LRRC41: variants seen among roughly 807,000 people sequenced by gnomAD.
The protein encoded by LRRC41 is leucine rich repeat containing 41, also known as leucine-rich repeat-containing protein 41.
LRRC41 carries 17 observed loss-of-function variants against 72.1 expected under a neutral mutation model. The ratio of observed to expected loss-of-function variants is 0.24; its 90% CI spans 0.16 to 0.35. The LOEUF is 0.35. LRRC41 is among the 10% of genes least tolerant of loss of function. LRRC41 has a pLI of 1.00. For missense variants in LRRC41, 759 were observed against 1,065.0 expected, an observed-to-expected ratio of 0.71 and a Z score of 4.00; for synonymous variants, 427 against 431.0, an observed-to-expected ratio of 0.99 and a Z score of 0.11.
In LRRC41 at chr1:46,285,714, T is replaced by G; in HGVS notation, c.1143A>C (p.Ser381=). 1 of 1,610,764 alleles carries G rather than the reference T, an allele frequency of 6.2e-7. No individual in the cohort carries two copies. The highest frequency in any genetic ancestry group is 8.5e-7 in the Non-Finnish European group (1 of 1,178,370). ...TSSYKRAPAS[S]APQPKPLKRF... is the part of the protein sequence containing the mutation. ...GCTTTAGGGGCTTAGGCTGTGGGGC[T>G]GAGCTAGCTGGTGCCCGTTTGTATG... is the stretch of plus-strand genomic sequence containing the variant. The change falls in exon 4 of 10, where the codon TCA becomes TCC. Residue 381 remains serine (S), a synonymous_variant. Transcript: ENST00000617190. The surrounding 1 kb of genome is among the most constrained non-coding windows in gnomAD (Gnocchi z 5.3).
Position 46,298,321 on chromosome 1 carries a change from A to G in LRRC41, c.249T>C (p.Tyr83=). The part of the protein sequence containing the change: ...LQSILPLLNI[Y]YLERIEETAL... ...CAGTTTCCTCAATCCTCTCCAAGTA[A>G]TATATATTGAGCAGAGGTAGGATGC... Residue 83 remains tyrosine (Y), a synonymous_variant, in exon 2 of 10, where the codon TAT becomes TAC. Transcript: ENST00000617190. 1 of 1,612,774 alleles carries G rather than the reference A, an allele frequency of 6.2e-7. No homozygotes were observed. Among genetic ancestry groups the G allele is most frequent in the Non-Finnish European group, 8.5e-7 (1 of 1,179,314 alleles).
chr1:46,296,971 A>G (rs1569663323), intron 3 of LRRC41: 1 of 152,180 alleles, frequency 6.6e-6, no homozygotes, highest in African/African-American at 2.4e-5. Context: ...AGTTGTCCCA[A>G]TGTGACTCAC....
In LRRC41 at chr1:46,286,240, G is replaced by A; in HGVS notation, c.617C>T (p.Ser206Phe). 6.2e-7 allele frequency: 1 copy of A among 1,614,280 alleles called. No homozygotes were observed. The highest frequency in any genetic ancestry group is 8.5e-7 in the Non-Finnish European group (1 of 1,180,056). The change falls in exon 4 of 10, where the codon TCT becomes TTT. Residue 206 changes from serine (S) to phenylalanine (F), a missense_variant. Physicochemically the swap from Ser to Phe is radical, Grantham distance 155 (BLOSUM62 -2). Around this residue, in one of 4 missense-constraint regions of LRRC41, gnomAD observed 116 missense variants for 250.9 expected, o/e 0.46. Transcript: ENST00000617190. This position sits in a 1 kb window ranked among gnomAD's most constrained non-coding sequence, Gnocchi z 5.5. Reference sequence around the variant, plus strand: ...AAGTGACTGCTGAGCAGCCACATCAGAGAACAGCAGGTGGCGGAACTTGAG... The same window carrying A: ...AAGTGACTGCTGAGCAGCCACATCAAAGAACAGCAGGTGGCGGAACTTGAG... ...HTLKFRHLLF[S>F]DVAAQQSLRQ...
chr1:46,285,626 C>T lies in LRRC41; in HGVS notation c.1231G>A (p.Glu411Lys), dbSNP rs1255941732. Residue 411 changes from glutamate (E) to lysine (K), a missense_variant, in exon 4 of 10, where the codon GAA becomes AAA. Transcript: ENST00000617190. This position sits in a 1 kb window ranked among gnomAD's most constrained non-coding sequence, Gnocchi z 5.3. ...ATAAAAACGAAGTCATACAGGTCTT[C>T]AGACTCTGCACCAGGCCCCTGACGG... ...RTRQGPGAES[E>K]DLYDFVFIVA... is the part of the protein sequence containing the mutation. 1 of 1,614,184 alleles carries T rather than the reference C, an allele frequency of 6.2e-7. No homozygotes were observed. The highest frequency in any genetic ancestry group is 1.7e-5 in the Admixed American group (1 of 59,996).
intron 4 of LRRC41, among the ~76,000 whole-genome samples, chr1:46,283,298 G>A (rs1186555302): frequency 6.6e-6 from 1 of 152,148 alleles, no homozygotes; most frequent in African/African-American, 2.4e-5. Flanking sequence ...AGGATGTGGA[G>A]ATAGAGAAAT....
chr1:46,294,537 TATAGATGTCAGTCACTGTACCCGA>T (rs1423752980), intron 3 of LRRC41, among the ~76,000 whole-genome samples: 76 of 152,062 alleles, frequency 5.0e-4, no homozygotes, highest in Admixed American at 1.3e-3. Context: ...TAGCTGGGAT[TATAGATGTCAGTCACTGTACCCGA>T]CTCTTGTGCC....
At chr1:46,287,678 A>G (rs1266725721) in intron 3 of LRRC41, among the ~76,000 whole-genome samples, 1 of 152,156 alleles carries the variant, frequency 6.6e-6, no homozygotes, top group Non-Finnish European at 1.5e-5. Context: ...TCTACCAGAA[A>G]TGTCTCCATT....
At chr1:46,287,199 C>G (rs1159124638) in intron 3 of LRRC41, among the ~76,000 whole-genome samples, 3 of 152,038 alleles carry the variant, frequency 2.0e-5, no homozygotes, top group Non-Finnish European at 2.9e-5. Context: ...AGCTCTGCCG[C>G]CCGGGTTCAC....
chr1:46,296,814 C>A (rs1557718715), intron 3 of LRRC41: 2 of 152,200 alleles, frequency 1.3e-5, no homozygotes, highest in Admixed American at 1.3e-4. Flanking sequence ...TTAAGCTTTA[C>A]GTAAACTTCA....
In LRRC41 at chr1:46,285,655, C is replaced by G. The variant is rs185591715; in HGVS notation, c.1202G>C (p.Arg401Pro). ...CTCTGCACCAGGCCCCTGACGGGTG[C>G]GAGCACCCTTCTTCCCTGCAGCTCG... ...FKRAAGKKGA[R>P]TRQGPGAESE... The change falls in exon 4 of 10, where the codon CGC (arginine) becomes CCC (proline). Residue 401 changes from arginine to proline, a missense_variant. Around this residue, in one of 4 missense-constraint regions of LRRC41, gnomAD observed 427 missense variants for 520.9 expected, o/e 0.82. Transcript: ENST00000617190. This position sits in a 1 kb window ranked among gnomAD's most constrained non-coding sequence, Gnocchi z 5.3. The G allele has an allele frequency of 6.2e-7, 1 of 1,614,128 alleles. No individual in the cohort carries two copies. Among genetic ancestry groups the G allele is most frequent in the Non-Finnish European group, 8.5e-7 (1 of 1,180,000 alleles).
intron 1 of LRRC41, chr1:46,299,648 G>C (rs537296221): frequency 6.6e-6 from 1 of 152,080 alleles, no homozygotes; most frequent in African/African-American, 2.4e-5. Flanking sequence ...AGGCCAAGGC[G>C]GGCAGATCAC....
chr1:46,279,217 C>A lies in LRRC41; in HGVS notation c.2184G>T (p.Glu728Asp), dbSNP rs755725341. ...GLLALADVFS[E>D]DSSSSLCQLD... ...GCTGACAGAGAGAGGAGGATGAATC[C>A]TCTGAGAAAACATCTGCCAAGGCCA... is the stretch of plus-strand genomic sequence containing the variant. The change falls in exon 9 of 10, where the codon GAG (glutamate) becomes GAT (aspartate). Residue 728 changes from glutamate to aspartate, a missense_variant. Physicochemically the swap from Glu to Asp is conservative, Grantham distance 45 (BLOSUM62 2). This residue lies in a region of LRRC41 where 110 missense variants were observed against 227.0 expected (regional missense o/e 0.48). Transcript: ENST00000617190. This position sits in a 1 kb window ranked among gnomAD's most constrained non-coding sequence, Gnocchi z 4.5. 9 of 1,614,038 alleles carry A rather than the reference C, an allele frequency of 5.6e-6. 1 individual carries two copies. In the East Asian group the frequency reaches 2.0e-4, roughly 36 times the overall value.
At chr1:46,289,293 C>G (rs1660952345) in intron 3 of LRRC41, among the ~76,000 whole-genome samples, 1 of 152,234 alleles carries the variant, frequency 6.6e-6, no homozygotes, top group Non-Finnish European at 1.5e-5. Context: ...CAAGTCATTT[C>G]ACCTCTTTCT....
In LRRC41 at chr1:46,281,316, A is replaced by G; in HGVS notation, c.1565T>C (p.Leu522Pro). The G allele has an allele frequency of 6.2e-7, 1 of 1,614,220 alleles. No homozygotes were observed. Among genetic ancestry groups the G allele is most frequent in the Non-Finnish European group, 8.5e-7 (1 of 1,180,042 alleles). ...RALSGQAGCR[L>P]RALHLSDLFS... ...CAGGTCACTGAGATGCAGGGCACGGAGGCGACATCCAGCCTGGCCTGACAG... is the reference window on the plus strand; with the variant it reads ...CAGGTCACTGAGATGCAGGGCACGGGGGCGACATCCAGCCTGGCCTGACAG... Residue 522 changes from leucine (L) to proline (P), a missense_variant, in exon 5 of 10, where the codon CTC (leucine) becomes CCC (proline). Leu to Pro is a moderately conservative substitution (Grantham distance 98). Around this residue, in one of 4 missense-constraint regions of LRRC41, gnomAD observed 427 missense variants for 520.9 expected, o/e 0.82. Transcript: ENST00000617190.
Position 46,281,356 on chromosome 1 carries a change from C to G in LRRC41, c.1525G>C (p.Asp509His). 2 of 1,614,156 alleles carry G rather than the reference C, an allele frequency of 1.2e-6. No homozygotes were observed. The highest frequency in any genetic ancestry group is 1.7e-6 in the Non-Finnish European group (2 of 1,180,008). ...TGGCCTGACAGGGCCCGCAGGCTGT[C>G]TAGCAGGCGGAAGATGTTAGAGCCC... ...GLGSNIFRLLDSLRALSGQAG... is the reference protein window; with the variant it reads ...GLGSNIFRLLHSLRALSGQAG... The change falls in exon 5 of 10, where the codon GAC becomes CAC. Residue 509 changes from aspartate (D) to histidine (H), a missense_variant. This residue lies in a region of LRRC41 where 427 missense variants were observed against 520.9 expected (regional missense o/e 0.82). Coordinates refer to ENST00000617190, the MANE Select transcript of LRRC41 (RefSeq NM_006369.5).
intron 3 of LRRC41, among the ~76,000 whole-genome samples, chr1:46,295,520 G>C (rs940253504): frequency 6.6e-6 from 1 of 152,182 alleles, no homozygotes; most frequent in Non-Finnish European, 1.5e-5. Context: ...ATGAGCTGAA[G>C]GCTATTGTCA....
intron 3 of LRRC41, among the ~76,000 whole-genome samples, chr1:46,295,698 C>A (rs1449448937): frequency 6.6e-6 from 1 of 152,218 alleles, no homozygotes; most frequent in Non-Finnish European, 1.5e-5. Context: ...TAATCTTTAT[C>A]ACTTGCTGGT....
At chr1:46,280,656 T>C (rs1660754255) in intron 5 of LRRC41, 96 bp from the exon 6 acceptor site, 3 of 1,273,808 alleles carry the variant, frequency 2.4e-6, no homozygotes. Context: ...TCTAAAAAAT[T>C]ATTTATTCAT....
Position 46,278,717 on chromosome 1 carries a change from G to T in LRRC41, c.*148C>A. 1.3e-6 allele frequency: 1 copy of T among 767,686 alleles called. No homozygotes were observed. Among genetic ancestry groups the T allele is most frequent in the Non-Finnish European group, 2.1e-6 (1 of 479,770 alleles). 47.6% of individuals were successfully genotyped at this position (767,686 alleles called of 1,614,324 possible). On this transcript the variant is annotated 3_prime_UTR_variant, in exon 10 of 10. Transcript: ENST00000617190. ...TTGCTGGGCCTCATCAAGGCCTCCA[G>T]GACCTCAGTGCAAGGGAAGAAGGAA...
Sources: gnomAD v4.1 joint callset for allele counts (sites outside exome capture counted in the v4.1 genomes callset) on GRCh38, gnomAD v4.1.1 for gene constraint, gnomAD v4.1.1 regional missense constraint, Gnocchi (gnomAD v3.1) non-coding constraint, MANE v1.5 for transcripts, NCBI Gene and HGNC (gene_info 2026-07-23, HGNC 2026-07-21) for gene names.